WWOX: variants seen among roughly 807,000 people sequenced by gnomAD.
WWOX encodes the protein WW domain-containing oxidoreductase.
WWOX carries 69 observed loss-of-function variants against 46.2 expected under a neutral mutation model. The observed-to-expected ratio is 1.49, with a 90% CI of 1.23 to 1.82. The LOEUF (loss-of-function observed/expected upper bound fraction) is 1.82, where lower values mean the gene tolerates loss of function less well. Among genes scored for constraint, WWOX ranks in the 40% most tolerant of loss-of-function variants. The pLI is 0.00. For synonymous variants in WWOX, 359 were observed against 202.6 expected, an observed-to-expected ratio of 1.77 and a Z score of -6.56; for missense variants, 919 against 542.6, an observed-to-expected ratio of 1.69 and a Z score of -6.89.
intron 8 of WWOX, among the ~76,000 whole-genome samples, chr16:78,994,859 G>A (rs1224002594): frequency 6.6e-6 from 1 of 151,612 alleles, no homozygotes; most frequent in African/African-American, 2.4e-5. Flanking sequence ...GAGCTGTGAA[G>A]CCATTATTAT....
At chr16:78,530,826 A>T (rs139923103) in intron 8 of WWOX, among the ~76,000 whole-genome samples, 3 of 152,330 alleles carry the variant, frequency 2.0e-5, no homozygotes, top group Non-Finnish European at 4.4e-5. Flanking sequence ...GATAGTGCTC[A>T]TAATAATTTT....
chr16:78,246,956 A>G (rs1266462955), intron 5 of WWOX, among the ~76,000 whole-genome samples: 1 of 152,162 alleles, frequency 6.6e-6, no homozygotes, highest in African/African-American at 2.4e-5. Flanking sequence ...GTCAGACCAT[A>G]GCAGTATCAG....
chr16:78,748,207 G>C (rs959578423), intron 8 of WWOX, among the ~76,000 whole-genome samples: 1 of 152,188 alleles, frequency 6.6e-6, no homozygotes, highest in Non-Finnish European at 1.5e-5. Context: ...AGCTAGGGCA[G>C]TGTCCACTCA....
intron 8 of WWOX, among the ~76,000 whole-genome samples, chr16:78,474,714 A>ATT (rs142711259): frequency 6.6e-6 from 1 of 151,826 alleles, no homozygotes; most frequent in African/African-American, 2.4e-5. Context: ...TGCACCCCAT[A>ATT]TTTTTTACCT....
At chr16:79,108,289 C>G (rs1321775579) in intron 8 of WWOX, among the ~76,000 whole-genome samples, 1 of 152,222 alleles carries the variant, frequency 6.6e-6, no homozygotes, top group African/African-American at 2.4e-5. Flanking sequence ...TCCTGCAGTG[C>G]CTTCTTGACA....
rs1597391385 is a variant in WWOX at position 78,241,076 on chromosome 16, C to G, written c.516+76787C>G. 4 of 152,486 alleles carry G rather than the reference C, an allele frequency of 2.6e-5. 1 individual carries two copies. The highest frequency in any genetic ancestry group is 2.6e-4 in the Admixed American group (4 of 15,300). The allele number at this position is 152,486 out of a possible 1,614,324, so 9.4% of individuals were successfully genotyped here. A position where few individuals can be genotyped will look rare whatever the true frequency, so the allele number is the denominator to read the frequency against. ...GCCTCCTGTCACACGGTACTCACCT[C>G]TATTCACTGTATTCCACCAACACTG... On this transcript the variant is annotated intron_variant, in intron 5 of 8. Transcript: ENST00000566780.
intron 8 of WWOX, among the ~76,000 whole-genome samples, chr16:78,503,379 T>G (rs2085116088): frequency 6.6e-6 from 1 of 152,176 alleles, no homozygotes; most frequent in African/African-American, 2.4e-5. Flanking sequence ...ATAATACATA[T>G]GCTGAAATTC....
intron 8 of WWOX, among the ~76,000 whole-genome samples, chr16:79,207,699 C>T (rs373644816): frequency 1.2e-4 from 18 of 152,216 alleles, no homozygotes; most frequent in African/African-American, 4.3e-4. Flanking sequence ...AATAGAAAAA[C>T]CTGAAAGCAA....
intron 8 of WWOX, among the ~76,000 whole-genome samples, chr16:78,543,241 G>A (rs1290550614): frequency 6.6e-6 from 1 of 152,212 alleles, no homozygotes; most frequent in East Asian, 1.9e-4. Flanking sequence ...CAATTAAATG[G>A]TTTGGTCTGA....
intron 8 of WWOX, among the ~76,000 whole-genome samples, chr16:78,462,748 G>A (rs548303429): frequency 6.6e-6 from 1 of 152,348 alleles, no homozygotes; most frequent in South Asian, 2.1e-4. Flanking sequence ...GTTACTGTCA[G>A]TTGTTGTAAA....
chr16:79,084,727 A>G (rs2048823058), intron 8 of WWOX, among the ~76,000 whole-genome samples: 1 of 151,760 alleles, frequency 6.6e-6, no homozygotes, highest in African/African-American at 2.4e-5. Context: ...AGTAATTTCT[A>G]AGTATTATTT....
chr16:78,456,268 G>A (rs1345222403), intron 8 of WWOX, among the ~76,000 whole-genome samples: 1 of 152,174 alleles, frequency 6.6e-6, no homozygotes, highest in African/African-American at 2.4e-5. Flanking sequence ...AAGAGAGGCT[G>A]GAAGAGTTGA....
intron 8 of WWOX, among the ~76,000 whole-genome samples, chr16:78,918,621 T>A (rs2045306449): frequency 6.6e-6 from 1 of 152,234 alleles, no homozygotes; most frequent in African/African-American, 2.4e-5. Flanking sequence ...ATTTGTATTC[T>A]TAGTTTTATT....
At chr16:78,913,149 T>A (rs996553586) in intron 8 of WWOX, among the ~76,000 whole-genome samples, 2 of 152,040 alleles carry the variant, frequency 1.3e-5, no homozygotes, top group African/African-American at 2.4e-5. Context: ...ATTTCGATCA[T>A]GGCAGTTGCT....
At chr16:78,806,947 C>T (rs1484063587) in intron 8 of WWOX, among the ~76,000 whole-genome samples, 1 of 152,194 alleles carries the variant, frequency 6.6e-6, no homozygotes, top group Non-Finnish European at 1.5e-5. Flanking sequence ...TTGAATCCTA[C>T]CTCTGCCTCT....
chr16:78,437,652 C>T (rs1289995626), intron 8 of WWOX, among the ~76,000 whole-genome samples: 1 of 152,068 alleles, frequency 6.6e-6, no homozygotes, highest in African/African-American at 2.4e-5. Context: ...TTCCTCCCTT[C>T]AATTTATGGT....
intron 8 of WWOX, among the ~76,000 whole-genome samples, chr16:78,479,874 G>C (rs761200667): frequency 3.3e-5 from 5 of 152,082 alleles, no homozygotes; most frequent in African/African-American, 2.4e-5. Flanking sequence ...TTGACCCAGC[G>C]GGGCTGCATT....
At chr16:79,068,864 AAG>A (rs2150561670) in intron 8 of WWOX, among the ~76,000 whole-genome samples, 1 of 149,206 alleles carries the variant, frequency 6.7e-6, no homozygotes, top group East Asian at 2.0e-4. Flanking sequence ...AATAATAATA[AAG>A]AAAGCGAGAG....
chr16:79,185,864 G>T (rs955117810), intron 8 of WWOX, among the ~76,000 whole-genome samples: 3 of 152,066 alleles, frequency 2.0e-5, no homozygotes, highest in Non-Finnish European at 4.4e-5. Context: ...CTATAAAAAA[G>T]ATAAATTTAG....
Sources: gnomAD v4.1 joint callset for allele counts (sites outside exome capture counted in the v4.1 genomes callset) on GRCh38, gnomAD v4.1.1 for gene constraint, MANE v1.5 for transcripts, NCBI Gene and HGNC (gene_info 2026-07-23, HGNC 2026-07-21) for gene names.